Variants in PEAK1 observed in about 807,000 individuals in gnomAD.
PEAK1 encodes the protein pseudopodium enriched atypical kinase 1.
PEAK1 carries 54 observed loss-of-function variants against 124.7 expected under a neutral mutation model. That is an observed-to-expected ratio of 0.43 (90% CI 0.35 to 0.54). The LOEUF (loss-of-function observed/expected upper bound fraction) is 0.54, where lower values mean the gene tolerates loss of function less well. Among genes scored for constraint, PEAK1 ranks in the 20% least tolerant of loss-of-function variants. PEAK1 has a pLI of 0.01. For synonymous variants in PEAK1, 719 were observed against 760.0 expected, an observed-to-expected ratio of 0.95 and a Z score of 0.89; for missense variants, 2,046 against 2,134.5, an observed-to-expected ratio of 0.96 and a Z score of 0.82.
At chr15:77,381,351 G>C (rs2069462670) in intron 1 of PEAK1, 1 of 759,682 alleles carries the variant, frequency 1.3e-6, no homozygotes, top group African/African-American at 1.9e-5. Flanking sequence ...GGAGTTAATG[G>C]CTGTAGTGCA....
At chr15:77,259,588 A>C (rs2061335953) in intron 5 of PEAK1, among the ~76,000 whole-genome samples, 1 of 152,222 alleles carries the variant, frequency 6.6e-6, no homozygotes, top group Admixed American at 6.6e-5. Flanking sequence ...TGTTAGCCTT[A>C]AAACCTATTC....
At chr15:77,222,281 G>A (rs188018359) in intron 6 of PEAK1, among the ~76,000 whole-genome samples, 10 of 151,998 alleles carry the variant, frequency 6.6e-5, no homozygotes, top group Admixed American at 5.9e-4. Flanking sequence ...CTTGTTTGCT[G>A]CCTTACAAAT....
intron 2 of PEAK1, chr15:77,351,583 T>C (rs192012421): frequency 1.5e-4 from 68 of 441,630 alleles, no homozygotes; most frequent in Non-Finnish European, 1.7e-4. Flanking sequence ...AACAGGGCCT[T>C]TGAGCCCGTA....
chr15:77,297,221 C>T (rs1475637386), intron 2 of PEAK1, among the ~76,000 whole-genome samples: 1 of 151,800 alleles, frequency 6.6e-6, no homozygotes, highest in African/African-American at 2.4e-5. Context: ...TACTGCCATT[C>T]ACAGAAAAAA....
intron 6 of PEAK1, among the ~76,000 whole-genome samples, chr15:77,232,992 C>G (rs567443122): frequency 6.6e-6 from 1 of 152,346 alleles, no homozygotes; most frequent in Non-Finnish European, 1.5e-5. Flanking sequence ...AGTGATCCAC[C>G]TGCCTCGGCC....
chr15:77,187,793 T>C (rs1008879907), intron 6 of PEAK1, among the ~76,000 whole-genome samples: 7 of 152,210 alleles, frequency 4.6e-5, no homozygotes, highest in African/African-American at 1.7e-4. Flanking sequence ...CTATTGCCTA[T>C]ATGTCATCCC....
chr15:77,207,129 G>A (rs867415573), intron 6 of PEAK1, among the ~76,000 whole-genome samples: 22 of 151,918 alleles, frequency 1.4e-4, no homozygotes, highest in African/African-American at 4.8e-4. Context: ...ATGGATTAAA[G>A]ACTTAAACGT....
chr15:77,207,122 G>A (rs1034157330), intron 6 of PEAK1, among the ~76,000 whole-genome samples: 4 of 152,108 alleles, frequency 2.6e-5, no homozygotes, highest in South Asian at 4.1e-4. Context: ...ATTCAAGATG[G>A]ATTAAAGACT....
intron 6 of PEAK1, among the ~76,000 whole-genome samples, chr15:77,183,414 A>G (rs2057382327): frequency 6.6e-6 from 1 of 152,244 alleles, no homozygotes. Context: ...TTTCAAAGAT[A>G]ATACATAAAA....
chr15:77,104,940 T>G (rs922199958), downstream of PEAK1: 1 of 152,236 alleles, frequency 6.6e-6, no homozygotes, highest in Non-Finnish European at 1.5e-5. Context: ...TCCTTCACCC[T>G]GGAAGAGGAG....
intron 6 of PEAK1, among the ~76,000 whole-genome samples, chr15:77,239,493 A>C (rs2060263409): frequency 6.6e-6 from 1 of 152,230 alleles, no homozygotes; most frequent in Non-Finnish European, 1.5e-5. Context: ...TTGGGTTTAC[A>C]AAATTGTGGT....
At chr15:77,115,499 C>T (rs2051284439) in intron 9 of PEAK1, among the ~76,000 whole-genome samples, 180 bp from the exon 10 acceptor site, 2 of 152,162 alleles carry the variant, frequency 1.3e-5, no homozygotes, top group Admixed American at 1.3e-4. Flanking sequence ...TCATGGTTGT[C>T]TACATGCCAG....
intron 2 of PEAK1, among the ~76,000 whole-genome samples, chr15:77,354,555 T>C (rs1488748652): frequency 1.3e-5 from 2 of 152,210 alleles, no homozygotes; most frequent in African/African-American, 4.8e-5. Flanking sequence ...TGATACAGCT[T>C]ACAGGTAGGT....
chr15:77,416,958 A>G (rs1219046809), intron 1 of PEAK1, among the ~76,000 whole-genome samples: 1 of 150,838 alleles, frequency 6.6e-6, no homozygotes, highest in Non-Finnish European at 1.5e-5. Context: ...TATGTAACAT[A>G]TTTGTGGCTT....
chr15:77,361,724 G>C (rs1032665091), intron 2 of PEAK1, among the ~76,000 whole-genome samples: 2 of 152,124 alleles, frequency 1.3e-5, no homozygotes, highest in Non-Finnish European at 2.9e-5. Flanking sequence ...TCACTACAGT[G>C]AATCTATCCA....
chr15:77,326,515 G>A (rs1483135223), intron 2 of PEAK1, among the ~76,000 whole-genome samples: 1 of 152,110 alleles, frequency 6.6e-6, no homozygotes, highest in African/African-American at 2.4e-5. Context: ...TCTCTTCTGA[G>A]ACTCCCTCTC....
At chr15:77,185,769 T>A (rs1367487402) in intron 6 of PEAK1, among the ~76,000 whole-genome samples, 1 of 152,058 alleles carries the variant, frequency 6.6e-6, no homozygotes, top group Non-Finnish European at 1.5e-5. Flanking sequence ...ACCTAGATAA[T>A]GTTGAATGGT....
intron 7 of PEAK1, among the ~76,000 whole-genome samples, chr15:77,168,869 G>A (rs1401277297): frequency 6.6e-6 from 1 of 152,174 alleles, no homozygotes; most frequent in East Asian, 1.9e-4. Context: ...GATGATTCTG[G>A]AAGTCCTAAA....
intron 7 of PEAK1, among the ~76,000 whole-genome samples, chr15:77,176,298 TAACA>T (rs894610775): frequency 6.9e-6 from 1 of 145,848 alleles, no homozygotes; most frequent in Non-Finnish European, 1.5e-5. Context: ...AGAAAAATGC[TAACA>T]AATAAAGTTT....
Sources: allele counts gnomAD v4.1 joint callset (sites outside exome capture counted in the v4.1 genomes callset), GRCh38; gene constraint gnomAD v4.1.1; transcripts MANE v1.5; gene names NCBI Gene and HGNC (gene_info 2026-07-23, HGNC 2026-07-21).